MTHFD1L: variants seen among roughly 807,000 people sequenced by gnomAD.
MTHFD1L encodes methylenetetrahydrofolate dehydrogenase (NADP+ dependent) 1 like.
Under a neutral mutation model 119.5 loss-of-function variants are expected in MTHFD1L, and 81 were observed. That is an observed-to-expected ratio of 0.68 (90% CI 0.57 to 0.82). MTHFD1L has a LOEUF of 0.82. Ranked by LOEUF, MTHFD1L falls within the 40% of genes least tolerant of loss-of-function variation. The pLI is 0.00. For synonymous variants in MTHFD1L, 430 were observed against 475.2 expected, an observed-to-expected ratio of 0.90 and a Z score of 1.24; for missense variants, 1,125 against 1,253.4, an observed-to-expected ratio of 0.90 and a Z score of 1.55.
intron 1 of MTHFD1L, among the ~76,000 whole-genome samples, chr6:150,870,695 G>A (rs1779263229): frequency 6.6e-6 from 1 of 152,072 alleles, no homozygotes; most frequent in South Asian, 2.1e-4. Context: ...GGTGGATCAC[G>A]AGGTCAGGAG....
intron 26 of MTHFD1L, among the ~76,000 whole-genome samples, chr6:151,085,293 T>G (rs985268890): frequency 6.6e-6 from 1 of 152,132 alleles, no homozygotes; most frequent in Non-Finnish European, 1.5e-5. Context: ...AGAGAAATAA[T>G]TGTACTTGTT....
intron 16 of MTHFD1L, among the ~76,000 whole-genome samples, chr6:150,950,534 A>C (rs1162110327): frequency 6.6e-6 from 1 of 152,212 alleles, no homozygotes; most frequent in East Asian, 1.9e-4. Flanking sequence ...CCTCATCTTT[A>C]AAATGGAATC....
intron 23 of MTHFD1L, 132 bp from the exon 24 acceptor site, chr6:151,015,384 C>T (rs545609973): frequency 2.1e-5 from 21 of 1,013,892 alleles, no homozygotes; most frequent in Non-Finnish European, 2.6e-5. Flanking sequence ...TATTTAAACA[C>T]GATGTGACCA....
At chr6:150,895,612 G>GTT (rs1562335007) in intron 7 of MTHFD1L, among the ~76,000 whole-genome samples, 3 of 97,450 alleles carry the variant, frequency 3.1e-5, no homozygotes, top group East Asian at 4.9e-4. Context: ...GGTTTTTTGT[G>GTT]GTTTTTTTTT....
chr6:150,906,030 T>C (rs1252281513), intron 8 of MTHFD1L, among the ~76,000 whole-genome samples: 1 of 152,128 alleles, frequency 6.6e-6, no homozygotes, highest in Admixed American at 6.5e-5. Flanking sequence ...AAGTAGATGA[T>C]TTGTATGTGT....
intron 26 of MTHFD1L, among the ~76,000 whole-genome samples, chr6:151,087,019 G>GCAGACGAATCATTTGAGT (rs1373406671): frequency 2.5e-4 from 38 of 152,226 alleles, no homozygotes; most frequent in African/African-American, 8.7e-4. Context: ...GGAGGCCGAG[G>GCAGACGAATCATTTGAGT]CAGACGAATC....
chr6:151,015,736 A>G, intron 24 of MTHFD1L, 43 bp downstream of exon 24: 2 of 1,593,910 alleles, frequency 1.3e-6, no homozygotes, highest in Non-Finnish European at 1.7e-6. Context: ...CTTACACCTT[A>G]GCATGGGTTG....
At chr6:151,099,509 A>T in intron 27 of MTHFD1L, 1 of 1,532,362 alleles carries the variant, frequency 6.5e-7, no homozygotes, top group South Asian at 1.1e-5. Context: ...GGTGGCAGCC[A>T]TCTCCTCCTC....
intron 24 of MTHFD1L, among the ~76,000 whole-genome samples, chr6:151,022,742 T>G (rs1447508124): frequency 6.6e-6 from 1 of 152,190 alleles, no homozygotes; most frequent in Non-Finnish European, 1.5e-5. Context: ...CAGCGCTCCC[T>G]CTTCTCCTGT....
intron 26 of MTHFD1L, among the ~76,000 whole-genome samples, chr6:151,069,223 A>G (rs1308711163): frequency 6.7e-6 from 1 of 150,160 alleles, no homozygotes; most frequent in Admixed American, 6.7e-5. Context: ...GACCACAGTC[A>G]TAAGGCCCAA....
chr6:150,865,903 G>A lies in MTHFD1L; in HGVS notation c.81G>A (p.Val27=). ...QPPGPPRRLR[V]PCRASSGGGG... ...CGGGCCCTCCGCGCCGCCTCCGTGT[G>A]CCCTGTCGCGCTAGCAGCGGCGGCG... Residue 27 remains valine, a synonymous_variant, in exon 1 of 28, where the codon GTG becomes GTA. Coordinates refer to ENST00000367321, the MANE Select transcript of MTHFD1L (RefSeq NM_015440.5). 3 of 1,196,582 alleles carry A rather than the reference G, an allele frequency of 2.5e-6. No individual in the cohort carries two copies. Among genetic ancestry groups the A allele is most frequent in the South Asian group, 3.9e-5 (1 of 25,622 alleles). 74.1% of individuals were successfully genotyped at this position (1,196,582 alleles called of 1,614,324 possible).
At chr6:151,099,203 A>T (rs974797648) in intron 27 of MTHFD1L, among the ~76,000 whole-genome samples, 2 of 150,764 alleles carry the variant, frequency 1.3e-5, no homozygotes, top group Non-Finnish European at 2.9e-5. Flanking sequence ...GTGGGACCAC[A>T]TACTCTAAGC....
chr6:150,900,639 G>T (rs182325729), intron 7 of MTHFD1L, among the ~76,000 whole-genome samples: 151 of 152,264 alleles, frequency 9.9e-4, no homozygotes, highest in Non-Finnish European at 1.8e-3. Flanking sequence ...TCTCAATCCA[G>T]CTTCCAGAGG....
At chr6:150,923,546 T>TTATTTTTTTTTTTC (rs1486475442) in intron 10 of MTHFD1L, among the ~76,000 whole-genome samples, 1 of 89,084 alleles carries the variant, frequency 1.1e-5, no homozygotes, top group African/African-American at 5.4e-5. Context: ...TATTTTTTCT[T>TTATTTTTTTTTTTC]TTTTTTTTTT....
chr6:150,991,137 A>G (rs1322272461), intron 20 of MTHFD1L, among the ~76,000 whole-genome samples: 1 of 152,332 alleles, frequency 6.6e-6, no homozygotes, highest in South Asian at 2.1e-4. Context: ...GATTACAGGC[A>G]TGAGCTGCCA....
chr6:151,044,307 T>C (rs1267019185), intron 26 of MTHFD1L, among the ~76,000 whole-genome samples: 9 of 150,956 alleles, frequency 6.0e-5, no homozygotes, highest in Non-Finnish European at 1.0e-4. Flanking sequence ...TTTTTTTTTT[T>C]TTTCTTTTTT....
chr6:150,927,824 G>T (rs1230789814), intron 11 of MTHFD1L, among the ~76,000 whole-genome samples: 1 of 151,924 alleles, frequency 6.6e-6, no homozygotes, highest in South Asian at 2.1e-4. Flanking sequence ...CCAGGATGAG[G>T]GTGGAGATCC....
intron 19 of MTHFD1L, among the ~76,000 whole-genome samples, chr6:150,971,567 C>T (rs906677640): frequency 7.9e-5 from 12 of 152,034 alleles, no homozygotes; most frequent in Non-Finnish European, 1.6e-4. Context: ...AATAAATATA[C>T]CTTTTATACC....
At chr6:150,988,902 A>C (rs803511) in intron 20 of MTHFD1L, among the ~76,000 whole-genome samples, 1 of 148,694 alleles carries the variant, frequency 6.7e-6, no homozygotes, top group African/African-American at 2.5e-5. Context: ...CACCATACCC[A>C]GCTAATTTTG....
Sources: allele counts gnomAD v4.1 joint callset (sites outside exome capture counted in the v4.1 genomes callset), GRCh38; gene constraint gnomAD v4.1.1; transcripts MANE v1.5; gene names NCBI Gene and HGNC (gene_info 2026-07-23, HGNC 2026-07-21).